Variants in RRN3 observed in about 807,000 individuals in gnomAD.
The protein encoded by RRN3 is RNA polymerase I transcription factor RRN3.
A neutral mutation model predicts 82.3 loss-of-function variants in RRN3; 38 were observed. The ratio of observed to expected loss-of-function variants is 0.46; its 90% CI spans 0.36 to 0.61. The LOEUF is 0.61. Ranked by LOEUF, RRN3 falls within the 20% of genes least tolerant of loss-of-function variation. The pLI, the probability that RRN3 is intolerant of heterozygous loss-of-function variation, is 0.00. For synonymous variants in RRN3, 284 were observed against 284.3 expected, an observed-to-expected ratio of 1.00 and a Z score of 0.01; for missense variants, 726 against 793.1, an observed-to-expected ratio of 0.92 and a Z score of 1.02.
intron 10 of RRN3, among the ~76,000 whole-genome samples, chr16:15,075,539 C>A (rs1207605834): frequency 6.6e-6 from 1 of 151,906 alleles, no homozygotes; most frequent in Non-Finnish European, 1.5e-5. Context: ...CACTGCCACA[C>A]TCCAGCCTGG....
rs776940925 is a variant in RRN3, at chr16:15,073,007, G to A, written c.1071C>T (p.Pro357=). Residue 357 remains proline, a synonymous_variant, in exon 12 of 18, where the codon CCC becomes CCT. Transcript: ENST00000198767. The stretch of plus-strand genomic sequence containing the variant: ...ACTGTACATGGCAGGAGGCATGGGT[G>A]GGCAACAGGAGTTTGTCAAAGATGT... ...LINIFDKLLL[P]THASCHVQFF... The A allele has an allele frequency of 1.1e-5, 18 of 1,613,418 alleles. No homozygotes were observed. The East Asian group carries it at 4.0e-4, about 36-fold the overall frequency.
rs1321856800 is a variant in RRN3, at chr16:15,087,910, T to C, written c.253-1456A>G. Reference sequence around the variant, plus strand: ...TGGGTGGATCACCTGAGGTTGGGAGTTCGAGATGAGCCTAACCAACATGGA... The same window carrying C: ...TGGGTGGATCACCTGAGGTTGGGAGCTCGAGATGAGCCTAACCAACATGGA... On this transcript the variant is annotated intron_variant, in intron 3 of 17. Transcript: ENST00000198767. Among the ~76,000 whole-genome samples, 3 of 151,014 alleles carry C rather than the reference T, an allele frequency of 2.0e-5. No homozygotes were observed. In the East Asian group the frequency reaches 5.9e-4, roughly 30 times the overall value.
In RRN3 at chr16:15,092,529, C is replaced by T. The variant is rs759271290; in HGVS notation, c.175G>A (p.Val59Ile). 1 of 1,612,740 alleles carries T rather than the reference C, an allele frequency of 6.2e-7. No homozygotes were observed. The highest frequency in any genetic ancestry group is 2.2e-5 in the East Asian group (1 of 44,870). ...TVRFGGTVTE[V>I]LLKYKKGETN... ...CTTACCTTTTTGTACTTCAGCAAGA[C>T]TTCTGTCACAGTTCCACCAAACCGA... The change falls in exon 2 of 18, where the codon GTC becomes ATC. Residue 59 changes from valine (V) to isoleucine (I), a missense_variant. Coordinates refer to ENST00000198767, the MANE Select transcript of RRN3 (RefSeq NM_018427.5).
intron 14 of RRN3, among the ~76,000 whole-genome samples, 153 bp from the exon 15 acceptor site, chr16:15,068,430 C>T (rs1466092098): frequency 2.6e-5 from 4 of 152,110 alleles, no homozygotes; most frequent in Admixed American, 1.3e-4. Flanking sequence ...CAGATAGTCA[C>T]ACAGTATATG....
chr16:15,075,551 C>A (rs1262188099), intron 10 of RRN3, among the ~76,000 whole-genome samples: 1 of 151,536 alleles, frequency 6.6e-6, no homozygotes, highest in East Asian at 1.9e-4. Context: ...CCAGCCTGGG[C>A]AACAGAGTGA....
intron 8 of RRN3, among the ~76,000 whole-genome samples, chr16:15,082,680 GA>G (rs1026076763): frequency 8.0e-4 from 113 of 141,138 alleles, no homozygotes; most frequent in African/African-American, 1.4e-3. Context: ...CCCCACCCCT[GA>G]AAAAAAAAAA....
chr16:15,062,019 T>G, intron 17 of RRN3, 114 bp from the exon 18 acceptor site: 1 of 1,094,662 alleles, frequency 9.1e-7, no homozygotes, highest in Non-Finnish European at 1.3e-6. Context: ...GAAAATATCT[T>G]AATTTCAAAA....
At chr16:15,090,856 T>C (rs1346895611) in intron 3 of RRN3, among the ~76,000 whole-genome samples, 1 of 150,214 alleles carries the variant, frequency 6.7e-6, no homozygotes, top group East Asian at 1.9e-4. Flanking sequence ...AACCTGGAAA[T>C]GCTGAATCAG....
intron 16 of RRN3, among the ~76,000 whole-genome samples, chr16:15,064,619 T>G (rs1445963544): frequency 2.0e-5 from 3 of 152,222 alleles, no homozygotes; most frequent in Non-Finnish European, 4.4e-5. Flanking sequence ...TAACCTTACA[T>G]GTTTAAATAA....
At chr16:15,083,316 T>C (rs1246151215) in intron 8 of RRN3, among the ~76,000 whole-genome samples, 197 bp downstream of exon 8, 3 of 152,076 alleles carry the variant, frequency 2.0e-5, no homozygotes, top group Admixed American at 6.5e-5. Flanking sequence ...GGAGAATCGC[T>C]TGAACCCGAG....
intron 9 of RRN3, among the ~76,000 whole-genome samples, chr16:15,079,330 A>T (rs954971582): frequency 6.6e-6 from 1 of 152,170 alleles, no homozygotes; most frequent in Admixed American, 6.5e-5. Flanking sequence ...TTAACTGTTT[A>T]TAATTATAAT....
At chr16:15,092,803 T>C (rs2046188720) in intron 1 of RRN3, among the ~76,000 whole-genome samples, 189 bp from the exon 2 acceptor site, 1 of 152,176 alleles carries the variant, frequency 6.6e-6, no homozygotes, top group Non-Finnish European at 1.5e-5. Flanking sequence ...CCACTGCACT[T>C]ACAGTAAAAA....
chr16:15,093,877 G>T, intron 1 of RRN3: 1 of 503,438 alleles, frequency 2.0e-6, no homozygotes, highest in South Asian at 2.7e-5. Context: ...GGCGCAGAAG[G>T]CAGTACCCAG....
chr16:15,088,691 C>T (rs987551546), intron 3 of RRN3, among the ~76,000 whole-genome samples: 23 of 152,048 alleles, frequency 1.5e-4, no homozygotes, highest in Admixed American at 3.9e-4. Flanking sequence ...TCTGGAAGTT[C>T]TGCTTCTTAC....
At chr16:15,083,471 A>T (rs749774815) in intron 8 of RRN3, 42 bp downstream of exon 8, 2 of 1,605,818 alleles carry the variant, frequency 1.2e-6, no homozygotes, top group Non-Finnish European at 1.7e-6. Context: ...GAAATCGTAC[A>T]AACAACTTTT....
chr16:15,071,003 G>C, intron 13 of RRN3, 118 bp downstream of exon 13: 1 of 805,338 alleles, frequency 1.2e-6, no homozygotes, highest in Non-Finnish European at 2.0e-6. Context: ...ACAGAGTAGG[G>C]ATTTTATTCA....
Position 15,060,269 on chromosome 16 carries a change from G to A in RRN3, c.*1475C>T. 1 of 326,708 alleles carries A rather than the reference G, an allele frequency of 3.1e-6. No homozygotes were observed. Among genetic ancestry groups the A allele is most frequent in the South Asian group, 2.5e-5 (1 of 40,620 alleles). 20.2% of individuals were successfully genotyped at this position (326,708 alleles called of 1,614,324 possible). ...ATATTAAAAAATCAACATTTTGCCA[G>A]CAGTTAAAAAGACAACCTTAAAGTT... On this transcript the variant is annotated 3_prime_UTR_variant, in exon 18 of 18. Transcript: ENST00000198767.
chr16:15,076,671 A>G, intron 9 of RRN3, 21 bp from the exon 10 acceptor site: 1 of 1,482,272 alleles, frequency 6.7e-7, no homozygotes, highest in Non-Finnish European at 9.4e-7. Context: ...GGGAGAAAAA[A>G]AAAGAATAAA....
At chr16:15,092,118 G>A (rs2046156231) in intron 2 of RRN3, among the ~76,000 whole-genome samples, 1 of 152,206 alleles carries the variant, frequency 6.6e-6, no homozygotes, top group Non-Finnish European at 1.5e-5. Context: ...GGTGGAGGAT[G>A]CAGTGAGCCG....
Sources: allele counts gnomAD v4.1 joint callset (sites outside exome capture counted in the v4.1 genomes callset), GRCh38; gene constraint gnomAD v4.1.1; transcripts MANE v1.5; gene names NCBI Gene and HGNC (gene_info 2026-07-23, HGNC 2026-07-21).